NPSR1: variants seen among roughly 807,000 people sequenced by gnomAD.
NPSR1 encodes neuropeptide S receptor.
NPSR1 carries 48 observed loss-of-function variants against 46.9 expected under a neutral mutation model. The ratio of observed to expected loss-of-function variants is 1.02; its 90% CI spans 0.81 to 1.30. NPSR1 has a LOEUF of 1.30. Among genes scored for constraint, NPSR1 ranks in the 50% most tolerant of loss-of-function variants. The probability of loss-of-function intolerance (pLI) is 0.00; values close to 1 mark genes in which losing one functional copy is unlikely to be tolerated. For missense variants in NPSR1, 450 were observed against 449.5 expected (o/e 1.00, Z -0.01); for synonymous variants, 176 against 168.1 (o/e 1.05, Z -0.36).
At chr7:34,856,301 G>A (rs115976882) in intron 8 of NPSR1, among the ~76,000 whole-genome samples, 4 of 151,660 alleles carry the variant, frequency 2.6e-5, no homozygotes, top group Admixed American at 6.6e-5. Flanking sequence ...TAATAAGGTT[G>A]CAGGATACAA....
chr7:34,687,630 T>C (rs1291034825), intron 2 of NPSR1, among the ~76,000 whole-genome samples: 1 of 152,116 alleles, frequency 6.6e-6, no homozygotes, highest in Non-Finnish European at 1.5e-5. Flanking sequence ...TCCAATTACC[T>C]CCACCTGGTC....
At chr7:34,799,439 C>G (rs1788363104) in intron 3 of NPSR1, among the ~76,000 whole-genome samples, 1 of 151,598 alleles carries the variant, frequency 6.6e-6, no homozygotes, top group Admixed American at 6.6e-5. Context: ...CAATTTTCAA[C>G]CCAGAATTTC....
intron 2 of NPSR1, among the ~76,000 whole-genome samples, chr7:34,729,390 G>A (rs1398248896): frequency 2.6e-5 from 4 of 151,980 alleles, no homozygotes; most frequent in Admixed American, 2.6e-4. Flanking sequence ...GACCCCCTCT[G>A]GAAAGATGAG....
chr7:34,689,735 G>A (rs1793149649), intron 2 of NPSR1, among the ~76,000 whole-genome samples: 1 of 151,404 alleles, frequency 6.6e-6, no homozygotes, highest in African/African-American at 2.4e-5. Flanking sequence ...TTGAGCTTAG[G>A]AATTCGTAAC....
chr7:34,768,873 G>A (rs1481323333), intron 2 of NPSR1, among the ~76,000 whole-genome samples: 1 of 152,144 alleles, frequency 6.6e-6, no homozygotes, highest in Non-Finnish European at 1.5e-5. Flanking sequence ...ACTGAGTATT[G>A]AGATGTTCTG....
intron 3 of NPSR1, 23 bp from the exon 4 acceptor site, chr7:34,811,747 C>A (rs1584076193): frequency 1.3e-6 from 2 of 1,543,552 alleles, no homozygotes; most frequent in Non-Finnish European, 1.8e-6. Context: ...AAGTCATAAG[C>A]TTCCTCTCAT....
chr7:34,768,203 G>A (rs1050564974), intron 2 of NPSR1: 1 of 152,078 alleles, frequency 6.6e-6, no homozygotes, highest in African/African-American at 2.4e-5. Context: ...AGCAATTAAA[G>A]CCAGATGATA....
chr7:34,698,840 GTTTA>G (rs1793674942), intron 2 of NPSR1, among the ~76,000 whole-genome samples: 1 of 152,122 alleles, frequency 6.6e-6, no homozygotes, highest in African/African-American at 2.4e-5. Context: ...CTCCTAATGT[GTTTA>G]TTATTGTTTT....
At chr7:34,677,642 A>T (rs1792386911) in intron 1 of NPSR1, among the ~76,000 whole-genome samples, 1 of 152,182 alleles carries the variant, frequency 6.6e-6, no homozygotes, top group African/African-American at 2.4e-5. Context: ...TAGGTAAGAC[A>T]TTCTGAGGGA....
intron 2 of NPSR1, among the ~76,000 whole-genome samples, chr7:34,771,884 A>T (rs140942560): frequency 6.6e-6 from 1 of 152,306 alleles, no homozygotes; most frequent in African/African-American, 2.4e-5. Context: ...GGATATAATA[A>T]CTGCTTAATA....
At chr7:34,685,842 A>C (rs1792900951) in intron 2 of NPSR1, 1 of 238,722 alleles carries the variant, frequency 4.2e-6, no homozygotes, top group Non-Finnish European at 8.4e-6. Flanking sequence ...AAAAGGAGCA[A>C]GAGTTCTGAA....
chr7:34,775,815 A>G (rs1262399314), intron 2 of NPSR1, among the ~76,000 whole-genome samples: 2 of 152,088 alleles, frequency 1.3e-5, no homozygotes, highest in South Asian at 2.1e-4. Flanking sequence ...TTTAAGATGC[A>G]TCATTAAGTT....
intron 2 of NPSR1, among the ~76,000 whole-genome samples, chr7:34,738,046 T>C (rs1784762682): frequency 6.6e-6 from 1 of 152,200 alleles, no homozygotes; most frequent in Non-Finnish European, 1.5e-5. Context: ...TAACAAGTGT[T>C]TTTGAACGAA....
At chr7:34,785,235 C>G (rs1006918127) in intron 3 of NPSR1, among the ~76,000 whole-genome samples, 21 of 151,684 alleles carry the variant, frequency 1.4e-4, no homozygotes, top group African/African-American at 4.6e-4. Flanking sequence ...TTTGTAGGGA[C>G]ACGGATGAAA....
intron 2 of NPSR1, among the ~76,000 whole-genome samples, chr7:34,724,953 G>A (rs950453495): frequency 6.6e-6 from 1 of 152,150 alleles, no homozygotes; most frequent in Non-Finnish European, 1.5e-5. Flanking sequence ...CCTGTGGGGT[G>A]AGATGAGGGA....
downstream of NPSR1, chr7:34,850,039 G>T (rs562457427): frequency 8.3e-6 from 8 of 958,384 alleles, no homozygotes; most frequent in East Asian, 1.1e-4. Context: ...TACAATAGAA[G>T]AAAATAAAAG....
At chr7:34,764,972 A>G (rs1786362209) in intron 2 of NPSR1, among the ~76,000 whole-genome samples, 1 of 152,200 alleles carries the variant, frequency 6.6e-6, no homozygotes, top group African/African-American at 2.4e-5. Flanking sequence ...TAGCAGTATT[A>G]CAGCAAAACA....
chr7:34,851,305 C>A (rs571820829), downstream of NPSR1, among the ~76,000 whole-genome samples: 1 of 135,928 alleles, frequency 7.4e-6, no homozygotes, highest in South Asian at 2.4e-4. Context: ...GTCATGTGGG[C>A]TTTTTTTTTT....
chr7:34,803,007 C>A lies in NPSR1; in HGVS notation c.385-8763C>A, dbSNP rs1219662210. 8.6e-5 allele frequency among the ~76,000 whole-genome samples: 13 copies of A among 150,332 alleles called. 2 individuals are homozygous for A. The highest frequency in any genetic ancestry group is 8.6e-4 in the Admixed American group (13 of 15,200). ...GCCATCAGAGAAATGCAAATCAAAA[C>A]CACAATGAGCTACCATCTCACACCA... On this transcript the variant is annotated intron_variant, in intron 3 of 8. Transcript: ENST00000360581.
Sources: gnomAD v4.1 joint callset for allele counts (sites outside exome capture counted in the v4.1 genomes callset) on GRCh38, gnomAD v4.1.1 for gene constraint, MANE v1.5 for transcripts, NCBI Gene and HGNC (gene_info 2026-07-23, HGNC 2026-07-21) for gene names.